Variants in IQCM observed in about 807,000 individuals in gnomAD.
IQCM encodes the protein IQ domain-containing protein M.
IQCM carries 45 observed loss-of-function variants against 57.6 expected under a neutral mutation model. The ratio of observed to expected loss-of-function variants is 0.78; its 90% CI spans 0.62 to 1.00. IQCM has a LOEUF of 1.00. IQCM is among the 50% of genes least tolerant of loss of function. The pLI is 0.00. For synonymous variants in IQCM, 148 were observed against 158.9 expected (o/e 0.93, Z 0.51); for missense variants, 468 against 511.6 (o/e 0.91, Z 0.82).
rs1310082340 is a variant in IQCM, at chr4:149,354,380, A to AAC, written c.1391-2315_1391-2314insGT. Among the ~76,000 whole-genome samples, 70 of 131,348 alleles carry AAC rather than the reference A, an allele frequency of 5.3e-4. 6 individuals are homozygous for AAC. Among genetic ancestry groups the AAC allele is most frequent in the African/African-American group, 2.1e-3 (67 of 31,322 alleles). The allele number at this position is 131,348 out of a possible 152,430, so 86.2% of individuals were successfully genotyped here. The stretch of plus-strand genomic sequence containing the variant: ...CTCCGTCTCAAAAAAAAAAAAAAAA[A>AAC]AAAAAAAAACTGACAAATTAGGCCA... On this transcript the variant is annotated intron_variant, in intron 13 of 13. Coordinates refer to ENST00000636793, the MANE Select transcript of IQCM (RefSeq NM_001363507.2).
chr4:149,615,735 G>A (rs1755736373), intron 8 of IQCM, among the ~76,000 whole-genome samples: 1 of 152,120 alleles, frequency 6.6e-6, no homozygotes, highest in African/African-American at 2.4e-5. Flanking sequence ...GACTAACTAA[G>A]TTGTAAAGAG....
At chr4:149,472,828 A>G (rs939314687) in intron 12 of IQCM, among the ~76,000 whole-genome samples, 2 of 152,144 alleles carry the variant, frequency 1.3e-5, no homozygotes, top group African/African-American at 4.8e-5. Context: ...CACATCTACA[A>G]TGATCTGATC....
intron 13 of IQCM, among the ~76,000 whole-genome samples, chr4:149,409,477 T>C (rs894523157): frequency 5.3e-5 from 8 of 152,254 alleles, no homozygotes; most frequent in Non-Finnish European, 1.2e-4. Context: ...GGGCTGCTTT[T>C]GTTCTATTTT....
At chr4:149,522,135 G>A (rs1201904256) in intron 12 of IQCM, among the ~76,000 whole-genome samples, 1 of 152,148 alleles carries the variant, frequency 6.6e-6, no homozygotes, top group African/African-American at 2.4e-5. Flanking sequence ...GAGAGCCTCT[G>A]CTGTTAAGAC....
At chr4:149,481,696 G>GTTTTGTTTTTTTTTTTTTT (rs1740806321) in intron 12 of IQCM, among the ~76,000 whole-genome samples, 4 of 33,606 alleles carry the variant, frequency 1.2e-4, no homozygotes, top group African/African-American at 4.9e-4. Context: ...GATTCTTCCA[G>GTTTTGTTTTTTTTTTTTTT]TTTTGTTTTT....
intron 12 of IQCM, among the ~76,000 whole-genome samples, chr4:149,526,418 G>A (rs1016362890): frequency 6.6e-6 from 1 of 151,852 alleles, no homozygotes; most frequent in Non-Finnish European, 1.5e-5. Flanking sequence ...GCAAGAAGAA[G>A]AGCACTGAAT....
intron 2 of IQCM, among the ~76,000 whole-genome samples, chr4:149,795,575 A>G (rs1205185645): frequency 6.6e-6 from 1 of 152,178 alleles, no homozygotes; most frequent in Non-Finnish European, 1.5e-5. Flanking sequence ...ATGCAACCTA[A>G]TGAGACAACA....
intron 13 of IQCM, among the ~76,000 whole-genome samples, chr4:149,381,679 C>T (rs776431138): frequency 2.6e-5 from 4 of 152,022 alleles, no homozygotes; most frequent in Non-Finnish European, 4.4e-5. Flanking sequence ...GTATCACCTA[C>T]CCCTAGGATG....
At chr4:149,411,234 TTACATGAC>T (rs1261855060) in intron 13 of IQCM, among the ~76,000 whole-genome samples, 3 of 152,166 alleles carry the variant, frequency 2.0e-5, no homozygotes, top group Non-Finnish European at 4.4e-5. Context: ...AATATCATTT[TTACATGAC>T]TAATATTTTA....
chr4:149,534,591 G>A (rs1747095678), intron 12 of IQCM, among the ~76,000 whole-genome samples: 1 of 152,040 alleles, frequency 6.6e-6, no homozygotes, highest in South Asian at 2.1e-4. Flanking sequence ...AGGAATCATT[G>A]ACGAGAATAT....
chr4:149,356,453 T>C (rs574417222), intron 13 of IQCM, among the ~76,000 whole-genome samples: 1 of 151,898 alleles, frequency 6.6e-6, no homozygotes, highest in South Asian at 2.1e-4. Context: ...AGTTTCAGCT[T>C]TCTACATATG....
intron 7 of IQCM, among the ~76,000 whole-genome samples, chr4:149,635,005 T>C (rs762990760): frequency 1.3e-5 from 2 of 152,236 alleles, no homozygotes; most frequent in Non-Finnish European, 2.9e-5. Flanking sequence ...GTTTTTTTAC[T>C]TTTGTATATT....
intron 2 of IQCM, among the ~76,000 whole-genome samples, chr4:149,781,977 C>T (rs752232585): frequency 4.0e-5 from 6 of 151,582 alleles, no homozygotes; most frequent in East Asian, 1.9e-4. Context: ...ATTCTGACTG[C>T]GTAAGACAAT....
intron 7 of IQCM, among the ~76,000 whole-genome samples, chr4:149,635,789 T>C (rs1757667641): frequency 6.6e-6 from 1 of 152,124 alleles, no homozygotes. Context: ...TCTAACTCTG[T>C]TTTTTGACTC....
intron 13 of IQCM, among the ~76,000 whole-genome samples, chr4:149,358,425 C>A (rs1311056410): frequency 6.6e-6 from 1 of 152,144 alleles, no homozygotes; most frequent in African/African-American, 2.4e-5. Context: ...GAATGTGTCC[C>A]ATAGATTCTG....
intron 13 of IQCM, among the ~76,000 whole-genome samples, chr4:149,391,890 T>C (rs1285854776): frequency 6.6e-6 from 1 of 151,994 alleles, no homozygotes; most frequent in Non-Finnish European, 1.5e-5. Flanking sequence ...TTTTCTGGCC[T>C]AGCATTTGGT....
In IQCM at chr4:149,694,494, C is replaced by T. The variant is rs527375511; in HGVS notation, c.386-8026G>A. ...TAATATATACATACTTCCACTAATT[C>T]CCACTGTTCTCCTGACCTTCATAAA... On this transcript the variant is annotated intron_variant, in intron 5 of 13. Coordinates refer to ENST00000636793, the MANE Select transcript of IQCM (RefSeq NM_001363507.2). 2.8e-3 allele frequency among the ~76,000 whole-genome samples: 430 copies of T among 152,106 alleles called. 4 individuals carry two copies. Among genetic ancestry groups the T allele is most frequent in the Non-Finnish European group, 5.0e-3 (340 of 67,984 alleles).
intron 9 of IQCM, among the ~76,000 whole-genome samples, chr4:149,578,931 C>G: frequency 6.6e-6 from 1 of 151,724 alleles, no homozygotes. Context: ...CCTTTGTCCC[C>G]CTTCCCCATG....
intron 12 of IQCM, among the ~76,000 whole-genome samples, chr4:149,510,825 C>G (rs1744329422): frequency 6.6e-6 from 1 of 152,186 alleles, no homozygotes; most frequent in Non-Finnish European, 1.5e-5. Context: ...CTCATCACAT[C>G]ATATCAGGCA....
Sources: allele counts gnomAD v4.1 joint callset (sites outside exome capture counted in the v4.1 genomes callset), GRCh38; gene constraint gnomAD v4.1.1; transcripts MANE v1.5; gene names NCBI Gene and HGNC (gene_info 2026-07-23, HGNC 2026-07-21).